KCNIP4: variants seen among roughly 807,000 people sequenced by gnomAD.
KCNIP4 encodes the protein Kv channel-interacting protein 4.
In KCNIP4, 12 loss-of-function variants were observed where a neutral mutation model predicts 34.0. The ratio of observed to expected loss-of-function variants is 0.35; its 90% CI spans 0.23 to 0.57. The LOEUF is 0.57. Ranked by LOEUF, KCNIP4 falls within the 20% of genes least tolerant of loss-of-function variation. The pLI, the probability that KCNIP4 is intolerant of heterozygous loss-of-function variation, is 0.83. For synonymous variants in KCNIP4, 124 were observed against 102.2 expected, an observed-to-expected ratio of 1.21 and a Z score of -1.29; for missense variants, 238 against 311.7, an observed-to-expected ratio of 0.76 and a Z score of 1.78.
chr4:20,777,388 T>C (rs567737953), intron 3 of KCNIP4, among the ~76,000 whole-genome samples: 17 of 152,214 alleles, frequency 1.1e-4, no homozygotes, highest in Admixed American at 9.2e-4. Context: ...CAATTCAAGA[T>C]GAGATTTGGG....
At chr4:20,896,208 C>A (rs964788992) in intron 1 of KCNIP4, among the ~76,000 whole-genome samples, 1 of 152,098 alleles carries the variant, frequency 6.6e-6, no homozygotes, top group Non-Finnish European at 1.5e-5. Context: ...TCACACCCAA[C>A]GCTAAGAGAC....
intron 1 of KCNIP4, chr4:21,718,588 A>G (rs1714566818): frequency 6.6e-6 from 1 of 152,138 alleles, no homozygotes; most frequent in African/African-American, 2.4e-5. Context: ...TCTAAATGCA[A>G]GACAATACAA....
At position 21,836,715 on chromosome 4, in the gene KCNIP4, AG is replaced by A. The variant is rs1158820789; in HGVS notation, c.61+111855del. ...CAGTCTTGCTATTTTCTAAAAGCAAAGGAGCTTCTTCCCAGAAGAGCCCAGC... is the reference window on the plus strand; with the variant it reads ...CAGTCTTGCTATTTTCTAAAAGCAAAGAGCTTCTTCCCAGAAGAGCCCAGC... On this transcript the variant is annotated intron_variant, in intron 1 of 8. Transcript: ENST00000382152. Among the ~76,000 whole-genome samples, 9 of 152,216 alleles carry A rather than the reference AG, an allele frequency of 5.9e-5. No homozygotes were observed. In the East Asian group the frequency reaches 1.7e-3, roughly 30 times the overall value.
chr4:21,285,163 T>C (rs1447580771), intron 1 of KCNIP4, among the ~76,000 whole-genome samples: 2 of 152,236 alleles, frequency 1.3e-5, no homozygotes, highest in Non-Finnish European at 2.9e-5. Context: ...GGCACCCTTC[T>C]TTAATATTTT....
intron 5 of KCNIP4, among the ~76,000 whole-genome samples, chr4:20,747,826 C>G (rs1411042330): frequency 6.6e-6 from 1 of 152,154 alleles, no homozygotes; most frequent in African/African-American, 2.4e-5. Context: ...TGGTGACTGG[C>G]TGGATGACAT....
At chr4:21,749,434 T>C (rs1399902376) in intron 1 of KCNIP4, among the ~76,000 whole-genome samples, 2 of 152,154 alleles carry the variant, frequency 1.3e-5, no homozygotes, top group Admixed American at 6.6e-5. Flanking sequence ...TTCTTTTGTG[T>C]TCCAATGAAG....
At position 21,461,383 on chromosome 4, in the gene KCNIP4, C is replaced by A. The variant is rs148747155; in HGVS notation, c.61+487188G>T. On this transcript the variant is annotated intron_variant, in intron 1 of 8. Transcript: ENST00000382152. ...TCTCGGGTAGTTCTTTAAAGCAGTG[C>A]GAAAATGGACTAATACAAATATGAA... is the stretch of plus-strand genomic sequence containing the variant. 7.9e-5 allele frequency among the ~76,000 whole-genome samples: 12 copies of A among 151,572 alleles called. No individual in the cohort carries two copies. In the East Asian group the frequency reaches 1.2e-3, roughly 15 times the overall value.
intron 1 of KCNIP4, among the ~76,000 whole-genome samples, chr4:21,199,314 T>A (rs2108948368): frequency 6.6e-6 from 1 of 152,358 alleles, no homozygotes; most frequent in Non-Finnish European, 1.5e-5. Flanking sequence ...TGCATTTCTC[T>A]GATGGCCAGT....
In KCNIP4 at chr4:21,560,134, T is replaced by A. The variant is rs1035767513; in HGVS notation, c.61+388437A>T. On this transcript the variant is annotated intron_variant, in intron 1 of 8. Coordinates refer to ENST00000382152, the MANE Select transcript of KCNIP4 (RefSeq NM_025221.6). ...ATATATTCTAAAAATAAGCAAATAGTGTAAATGCAAATGGGCTTCAAATGA... is the reference window on the plus strand; with the variant it reads ...ATATATTCTAAAAATAAGCAAATAGAGTAAATGCAAATGGGCTTCAAATGA... Among the ~76,000 whole-genome samples, 11 of 152,084 alleles carry A rather than the reference T, an allele frequency of 7.2e-5. 1 individual carries two copies. The highest frequency in any genetic ancestry group is 2.4e-4 in the African/African-American group (10 of 41,434).
chr4:21,363,304 C>T (rs1719412781), intron 1 of KCNIP4, among the ~76,000 whole-genome samples: 1 of 152,110 alleles, frequency 6.6e-6, no homozygotes, highest in African/African-American at 2.4e-5. Context: ...GCTGTGATCC[C>T]TTCTCTTGGA....
chr4:21,571,145 A>G (rs1249246235), intron 1 of KCNIP4, among the ~76,000 whole-genome samples: 1 of 152,128 alleles, frequency 6.6e-6, no homozygotes, highest in Non-Finnish European at 1.5e-5. Context: ...TTCATTTATA[A>G]TCCCCTCTGA....
chr4:20,798,780 T>C (rs956951951), intron 3 of KCNIP4, among the ~76,000 whole-genome samples: 1 of 152,154 alleles, frequency 6.6e-6, no homozygotes, highest in African/African-American at 2.4e-5. Context: ...GCAATTCTGA[T>C]TGCCACTGCA....
chr4:21,419,969 T>G (rs2109621998), intron 1 of KCNIP4, among the ~76,000 whole-genome samples: 1 of 152,234 alleles, frequency 6.6e-6, no homozygotes, highest in South Asian at 2.1e-4. Context: ...ACGTCAAAAA[T>G]AATTATAAAC....
intron 1 of KCNIP4, among the ~76,000 whole-genome samples, chr4:21,332,209 T>G (rs1440366803): frequency 1.3e-5 from 2 of 152,102 alleles, no homozygotes; most frequent in African/African-American, 4.8e-5. Flanking sequence ...ATTGGAACTT[T>G]ATATTAACCC....
chr4:21,692,572 A>T (rs758067757), intron 1 of KCNIP4, among the ~76,000 whole-genome samples: 1 of 152,206 alleles, frequency 6.6e-6, no homozygotes, highest in Admixed American at 6.5e-5. Flanking sequence ...ATAGGTTTCA[A>T]TGGAAGAAAG....
intron 1 of KCNIP4, among the ~76,000 whole-genome samples, chr4:21,494,066 C>A (rs1301448387): frequency 6.6e-6 from 1 of 152,112 alleles, no homozygotes; most frequent in Non-Finnish European, 1.5e-5. Context: ...GGATGAGTCC[C>A]CAATTTCAGG....
intron 2 of KCNIP4, among the ~76,000 whole-genome samples, chr4:20,875,171 C>T (rs1723880506): frequency 6.6e-6 from 1 of 151,968 alleles, no homozygotes; most frequent in Non-Finnish European, 1.5e-5. Context: ...ATGACGGTCC[C>T]ATGTTGAGCA....
At chr4:21,061,729 C>G (rs941019245) in intron 1 of KCNIP4, among the ~76,000 whole-genome samples, 7 of 152,116 alleles carry the variant, frequency 4.6e-5, no homozygotes, top group African/African-American at 1.7e-4. Flanking sequence ...CCAAATTGTG[C>G]CCCTTGAAAT....
At chr4:21,705,019 G>T (rs752171762) in intron 1 of KCNIP4, among the ~76,000 whole-genome samples, 1 of 152,006 alleles carries the variant, frequency 6.6e-6, no homozygotes, top group Non-Finnish European at 1.5e-5. Context: ...CAAACCATGT[G>T]ATACTACACA....
Sources: allele counts gnomAD v4.1 joint callset (sites outside exome capture counted in the v4.1 genomes callset), GRCh38; gene constraint gnomAD v4.1.1; transcripts MANE v1.5; gene names NCBI Gene and HGNC (gene_info 2026-07-23, HGNC 2026-07-21).